Variants in SPAG16 observed in about 807,000 individuals in gnomAD.
The protein encoded by SPAG16 is sperm-associated antigen 16 protein.
SPAG16 carries 86 observed loss-of-function variants against 80.4 expected under a neutral mutation model. That is an observed-to-expected ratio of 1.07 (90% CI 0.90 to 1.28). SPAG16 has a LOEUF of 1.28. SPAG16 is among the 50% of genes most tolerant of loss of function. The probability of loss-of-function intolerance (pLI) is 0.00; values close to 1 mark genes in which losing one functional copy is unlikely to be tolerated. For missense variants in SPAG16, 870 were observed against 765.3 expected, an observed-to-expected ratio of 1.14 and a Z score of -1.61; for synonymous variants, 294 against 265.9, an observed-to-expected ratio of 1.11 and a Z score of -1.03.
chr2:213,849,526 T>G (rs1312281198), intron 10 of SPAG16, among the ~76,000 whole-genome samples: 2 of 152,222 alleles, frequency 1.3e-5, no homozygotes, highest in Non-Finnish European at 2.9e-5. Context: ...TACAAAAAAG[T>G]CATTATTTAT....
intron 10 of SPAG16, among the ~76,000 whole-genome samples, chr2:213,657,749 A>C (rs1304236759): frequency 6.6e-6 from 1 of 152,138 alleles, no homozygotes; most frequent in Non-Finnish European, 1.5e-5. Flanking sequence ...TCCCCTTTTT[A>C]ATGGTTTACT....
chr2:213,603,912 C>A (rs951915668), intron 10 of SPAG16, among the ~76,000 whole-genome samples: 7 of 151,694 alleles, frequency 4.6e-5, no homozygotes. Context: ...ATCTCTTACC[C>A]AAAGACTTCC....
chr2:214,072,266 A>G (rs564976683), intron 13 of SPAG16, among the ~76,000 whole-genome samples: 10 of 152,148 alleles, frequency 6.6e-5, no homozygotes, highest in African/African-American at 9.7e-5. Context: ...TAGTCTTTAT[A>G]TAAAAATAAA....
intron 15 of SPAG16, among the ~76,000 whole-genome samples, chr2:214,404,924 T>C (rs772844708): frequency 6.6e-5 from 10 of 152,160 alleles, no homozygotes; most frequent in Non-Finnish European, 1.3e-4. Flanking sequence ...TATTTAGAGA[T>C]TAATGGATAT....
intron 15 of SPAG16, among the ~76,000 whole-genome samples, chr2:214,335,080 A>G (rs1697187152): frequency 6.6e-6 from 1 of 152,222 alleles, no homozygotes; most frequent in African/African-American, 2.4e-5. Context: ...TGAACTTGCA[A>G]CAGAGGCCTC....
chr2:213,718,164 A>AG (rs1483585382), intron 10 of SPAG16, among the ~76,000 whole-genome samples: 4 of 150,516 alleles, frequency 2.7e-5, no homozygotes, highest in Admixed American at 6.6e-5. Context: ...AAAAAAAAAA[A>AG]AAAAAGAAAA....
intron 15 of SPAG16, among the ~76,000 whole-genome samples, chr2:214,307,699 CT>C (rs1695017675): frequency 6.6e-6 from 1 of 151,778 alleles, no homozygotes; most frequent in Admixed American, 6.6e-5. Context: ...GTAATTGTAT[CT>C]TTTTGAGCAA....
chr2:214,402,057 C>T (rs7606949), intron 15 of SPAG16, among the ~76,000 whole-genome samples: 127,123 of 151,866 alleles, frequency 0.84, 53,270 homozygotes, highest in Middle Eastern at 0.88. Context: ...ACTGGGGAAA[C>T]TGTATTTGAT....
At chr2:214,352,730 A>G (rs911578390) in intron 15 of SPAG16, among the ~76,000 whole-genome samples, 1 of 152,050 alleles carries the variant, frequency 6.6e-6, no homozygotes, top group African/African-American at 2.4e-5. Flanking sequence ...TGCTTTGGTC[A>G]TTCTTTTTTT....
At chr2:213,513,827 G>C (rs1240989800) in intron 10 of SPAG16, among the ~76,000 whole-genome samples, 1 of 152,076 alleles carries the variant, frequency 6.6e-6, no homozygotes, top group East Asian at 1.9e-4. Context: ...TTTATGAGTT[G>C]GCTGCTTCCT....
intron 15 of SPAG16, among the ~76,000 whole-genome samples, chr2:214,282,241 A>G (rs1693001775): frequency 6.6e-6 from 1 of 152,164 alleles, no homozygotes; most frequent in Non-Finnish European, 1.5e-5. Flanking sequence ...CATAAATTAA[A>G]CATAAATTAT....
At chr2:213,810,775 T>G (rs1427362) in intron 10 of SPAG16, among the ~76,000 whole-genome samples, 53,721 of 152,040 alleles carry the variant, frequency 0.35, 10,103 homozygotes, top group East Asian at 0.53. Context: ...CTCAAATATT[T>G]TGATATTGGT....
At chr2:213,360,042 A>G (rs1288405399) in intron 7 of SPAG16, among the ~76,000 whole-genome samples, 2 of 152,234 alleles carry the variant, frequency 1.3e-5, no homozygotes, top group African/African-American at 4.8e-5. Flanking sequence ...TTCTCTCTCA[A>G]CCAAATCTGC....
intron 9 of SPAG16, among the ~76,000 whole-genome samples, chr2:213,448,158 T>C (rs2071457700): frequency 6.6e-6 from 1 of 152,246 alleles, no homozygotes; most frequent in South Asian, 2.1e-4. Context: ...CAGTCTGTTA[T>C]TTGGCTTGGA....
intron 11 of SPAG16, among the ~76,000 whole-genome samples, chr2:213,908,559 A>C (rs2077521695): frequency 6.6e-6 from 1 of 152,182 alleles, no homozygotes. Context: ...CTTAACGCTG[A>C]AATCTACCTC....
At chr2:213,386,119 A>G (rs1303502186) in intron 9 of SPAG16, among the ~76,000 whole-genome samples, 2 of 152,148 alleles carry the variant, frequency 1.3e-5, no homozygotes, top group African/African-American at 2.4e-5. Context: ...TTACTAGTTT[A>G]TTCAGTTCAG....
chr2:213,379,781 C>A (rs1488530576), intron 9 of SPAG16, among the ~76,000 whole-genome samples: 3 of 152,162 alleles, frequency 2.0e-5, no homozygotes, highest in Non-Finnish European at 4.4e-5. Flanking sequence ...CAGCAGTAGC[C>A]ATAACCAGGT....
At chr2:214,021,517 G>T (rs763656895) in intron 13 of SPAG16, among the ~76,000 whole-genome samples, 1 of 152,058 alleles carries the variant, frequency 6.6e-6, no homozygotes, top group Non-Finnish European at 1.5e-5. Flanking sequence ...GCACAGAAAA[G>T]ACCTGCCCCC....
intron 15 of SPAG16, among the ~76,000 whole-genome samples, chr2:214,387,694 A>G (rs1313541962): frequency 6.6e-6 from 1 of 152,198 alleles, no homozygotes; most frequent in Non-Finnish European, 1.5e-5. Context: ...GAAACTTACA[A>G]TCATGGTAGA....
Sources: gnomAD v4.1 joint callset for allele counts (sites outside exome capture counted in the v4.1 genomes callset) on GRCh38, gnomAD v4.1.1 for gene constraint, MANE v1.5 for transcripts, NCBI Gene and HGNC (gene_info 2026-07-23, HGNC 2026-07-21) for gene names.